Variants in SP4 observed in about 807,000 individuals in gnomAD.
SP4 encodes the protein transcription factor Sp4.
Under a neutral mutation model 72.8 loss-of-function variants are expected in SP4, and 19 were observed. The observed-to-expected ratio is 0.26, with a 90% CI of 0.18 to 0.38. The LOEUF is 0.38. Ranked by LOEUF, SP4 falls within the 10% of genes least tolerant of loss-of-function variation. The pLI is 1.00. For synonymous variants in SP4, 395 were observed against 333.1 expected (o/e 1.19, Z -2.02); for missense variants, 1,008 against 926.3 (o/e 1.09, Z -1.14).
In SP4 at chr7:21,482,129, T is replaced by C. The variant is rs571207821; in HGVS notation, c.2107+6T>C. ...ACATAGAAGAACCCATACAGGTTAG[T>C]TGATTTTAGGACTTGTACTTTTTAC... On this transcript the variant is annotated splice_donor_region_variant and intron_variant, in intron 5 of 5. Transcript: ENST00000222584. 3.7e-6 allele frequency: 6 copies of C among 1,608,604 alleles called. No homozygotes were observed. Among genetic ancestry groups the C allele is most frequent in the Admixed American group, 1.7e-5 (1 of 59,776 alleles).
intron 5 of SP4, among the ~76,000 whole-genome samples, chr7:21,492,566 G>A (rs1157320024): frequency 6.6e-6 from 1 of 152,112 alleles, no homozygotes; most frequent in Admixed American, 6.5e-5. Context: ...TCAGATAAGG[G>A]ATACTTGACT....
chr7:21,428,291 G>T (rs920817508), intron 1 of SP4, 33 bp downstream of exon 1: 6 of 1,322,334 alleles, frequency 4.5e-6, no homozygotes, highest in African/African-American at 1.5e-5. Flanking sequence ...AGTCTCCTTC[G>T]CCGCCTCCCT....
intron 5 of SP4, among the ~76,000 whole-genome samples, chr7:21,498,040 A>T (rs544029708): frequency 2.0e-5 from 3 of 151,786 alleles, no homozygotes; most frequent in Admixed American, 2.0e-4. Context: ...ACCTCGCCTT[A>T]CTCTCAGTTT....
chr7:21,461,360 G>A (rs1161286031), intron 3 of SP4, among the ~76,000 whole-genome samples: 1 of 152,208 alleles, frequency 6.6e-6, no homozygotes, highest in Non-Finnish European at 1.5e-5. Flanking sequence ...ATGGTGGACT[G>A]CAGATCCTGA....
At chr7:21,499,767 C>T (rs956661921) in intron 5 of SP4, among the ~76,000 whole-genome samples, 1 of 152,150 alleles carries the variant, frequency 6.6e-6, no homozygotes, top group Admixed American at 6.5e-5. Flanking sequence ...GGTATATTAT[C>T]AAATGACAAA....
intron 5 of SP4, among the ~76,000 whole-genome samples, chr7:21,484,576 C>A (rs752445173): frequency 1.3e-5 from 2 of 151,796 alleles, no homozygotes; most frequent in Non-Finnish European, 3.0e-5. Flanking sequence ...GTATATACAC[C>A]ATTGACGTTG....
chr7:21,512,424 A>G lies in SP4; in HGVS notation c.*1155A>G, dbSNP rs1490044087. 1 of 152,364 alleles carries G rather than the reference A, an allele frequency of 6.6e-6. No homozygotes were observed. The highest frequency in any genetic ancestry group is 2.4e-5 in the African/African-American group (1 of 41,454). The allele number at this position is 152,364 out of a possible 1,614,324, so 9.4% of individuals were successfully genotyped here. A position where few individuals can be genotyped will look rare whatever the true frequency, so the allele number is the denominator to read the frequency against. ...TACATCAATAACTGAATTTTCCCTA[A>G]AAATTAGCCTAATATATAATAGATA... On this transcript the variant is annotated 3_prime_UTR_variant, in exon 6 of 6. Coordinates refer to ENST00000222584, the MANE Select transcript of SP4 (RefSeq NM_003112.5).
chr7:21,512,161 T>A lies in SP4; in HGVS notation c.*892T>A, dbSNP rs1782163625. 1 of 152,646 alleles carries A rather than the reference T, an allele frequency of 6.6e-6. No individual in the cohort carries two copies. Among genetic ancestry groups the A allele is most frequent in the Non-Finnish European group, 1.5e-5 (1 of 68,024 alleles). 9.5% of individuals were successfully genotyped at this position (152,646 alleles called of 1,614,324 possible). ...TGGAAATATTTGCATAGAGTGTAAA[T>A]TGTTCTGTAGTTTCATATTTTGTAA... On this transcript the variant is annotated 3_prime_UTR_variant, in exon 6 of 6. Coordinates refer to ENST00000222584, the MANE Select transcript of SP4 (RefSeq NM_003112.5).
rs1297640419 is a variant in SP4 at position 21,511,487 on chromosome 7, A to G, written c.*218A>G. 1 of 514,654 alleles carries G rather than the reference A, an allele frequency of 1.9e-6. No individual in the cohort carries two copies. Among genetic ancestry groups the G allele is most frequent in the Non-Finnish European group, 3.5e-6 (1 of 288,648 alleles). The allele number at this position is 514,654 out of a possible 1,614,324, so 31.9% of individuals were successfully genotyped here. ...CTGGAAACAGAAAAGTATTTCCTCC[A>G]TACTATAAGTTGTAGTTGTTTGGAA... is the stretch of plus-strand genomic sequence containing the variant. On this transcript the variant is annotated 3_prime_UTR_variant, in exon 6 of 6. Coordinates refer to ENST00000222584, the MANE Select transcript of SP4 (RefSeq NM_003112.5).
At chr7:21,496,955 A>G (rs924296692) in intron 5 of SP4, among the ~76,000 whole-genome samples, 1 of 152,218 alleles carries the variant, frequency 6.6e-6, no homozygotes, top group Non-Finnish European at 1.5e-5. Flanking sequence ...CTAAACATGT[A>G]TGACCTTCTA....
chr7:21,446,454 AAAAG>A (rs1300558284), intron 3 of SP4, among the ~76,000 whole-genome samples: 2 of 152,328 alleles, frequency 1.3e-5, no homozygotes, highest in African/African-American at 4.8e-5. Flanking sequence ...TTTAAAAAAA[AAAAG>A]AGCTCTGTGC....
intron 5 of SP4, among the ~76,000 whole-genome samples, chr7:21,509,466 T>C (rs1445473171): frequency 4.9e-5 from 3 of 60,896 alleles, no homozygotes; most frequent in African/African-American, 3.4e-4. Context: ...TATAGAAATA[T>C]TTTCCTTTTT....
At chr7:21,510,531 T>A (rs1276616988) in intron 5 of SP4, among the ~76,000 whole-genome samples, 5 of 152,050 alleles carry the variant, frequency 3.3e-5, no homozygotes, top group African/African-American at 1.2e-4. Context: ...CTGCCTCCCA[T>A]TTTTGCCTTG....
intron 3 of SP4, among the ~76,000 whole-genome samples, chr7:21,453,961 A>G (rs1262961532): frequency 6.6e-6 from 1 of 152,178 alleles, no homozygotes; most frequent in Non-Finnish European, 1.5e-5. Context: ...AAAAAAATCT[A>G]TATTCCCATG....
chr7:21,462,898 A>G (rs1448313514), intron 3 of SP4, among the ~76,000 whole-genome samples: 2 of 152,214 alleles, frequency 1.3e-5, no homozygotes, highest in Admixed American at 1.3e-4. Context: ...GAATCATTTG[A>G]TAAGACCTAA....
chr7:21,450,411 T>C (rs1365092469), intron 3 of SP4, among the ~76,000 whole-genome samples: 1 of 152,182 alleles, frequency 6.6e-6, no homozygotes, highest in South Asian at 2.1e-4. Context: ...GAGGTAAATA[T>C]ACATGCTTTG....
intron 5 of SP4, among the ~76,000 whole-genome samples, chr7:21,500,664 T>C (rs1781840966): frequency 6.6e-6 from 1 of 152,184 alleles, no homozygotes; most frequent in African/African-American, 2.4e-5. Context: ...CTGCCCACAC[T>C]CCTTCTCATA....
chr7:21,510,195 A>T (rs1221901063), intron 5 of SP4, among the ~76,000 whole-genome samples: 1 of 152,204 alleles, frequency 6.6e-6, no homozygotes, highest in Non-Finnish European at 1.5e-5. Flanking sequence ...TTATTACCCA[A>T]GTTTTATCAG....
chr7:21,514,003 T>G lies in SP4; in HGVS notation c.*2734T>G, dbSNP rs2285941. The G allele has an allele frequency of 0.037, 5,669 of 152,726 alleles. 385 individuals carry two copies. The highest frequency in any genetic ancestry group is 0.27 in the East Asian group (1,404 of 5,174). 9.5% of individuals were successfully genotyped at this position (152,726 alleles called of 1,614,324 possible). On this transcript the variant is annotated 3_prime_UTR_variant, in exon 6 of 6. Transcript: ENST00000222584. ...CACAGATGTGCAGTAGAGTCTTGTT[T>G]AATGGCATTTCACTGTTCATTCCCT...
Sources: allele counts gnomAD v4.1 joint callset (sites outside exome capture counted in the v4.1 genomes callset), GRCh38; gene constraint gnomAD v4.1.1; transcripts MANE v1.5; gene names NCBI Gene and HGNC (gene_info 2026-07-23, HGNC 2026-07-21).